The following CYP19A1 variants were observed in gnomAD, a reference collection of about 807,000 sequenced individuals.
CYP19A1 encodes the protein aromatase.
Under a neutral mutation model 44.4 loss-of-function variants are expected in CYP19A1, and 32 were observed. That is an observed-to-expected ratio of 0.72 (90% CI 0.54 to 0.97). The LOEUF is 0.97. CYP19A1 is among the 50% of genes least tolerant of loss of function. The probability of loss-of-function intolerance (pLI) is 0.00; values close to 1 mark genes in which losing one functional copy is unlikely to be tolerated. For missense variants in CYP19A1, 598 were observed against 637.8 expected (o/e 0.94, Z 0.67); for synonymous variants, 212 against 215.6 (o/e 0.98, Z 0.14).
intron 1 of CYP19A1, among the ~76,000 whole-genome samples, chr15:51,291,094 T>G (rs2035834485): frequency 6.6e-6 from 1 of 152,164 alleles, no homozygotes; most frequent in Non-Finnish European, 1.5e-5. Flanking sequence ...CATCCTAAGT[T>G]TGGCAGAAAA....
In CYP19A1 at chr15:51,210,454, G is replaced by A; in HGVS notation, c.*354C>T. ...GCCCCAGACATAAAAATCCCCTTGGGTTGAGGCAGTAGAGCTCTACTGGGG... is the reference window on the plus strand; with the variant it reads ...GCCCCAGACATAAAAATCCCCTTGGATTGAGGCAGTAGAGCTCTACTGGGG... On this transcript the variant is annotated 3_prime_UTR_variant, in exon 10 of 10. Transcript: ENST00000396402. 1 of 526,300 alleles carries A rather than the reference G, an allele frequency of 1.9e-6. No homozygotes were observed. Among genetic ancestry groups the A allele is most frequent in the Non-Finnish European group, 3.7e-6 (1 of 271,560 alleles). The allele number at this position is 526,300 out of a possible 1,614,324, so 32.6% of individuals were successfully genotyped here. A position where few individuals can be genotyped will look rare whatever the true frequency, so the allele number is the denominator to read the frequency against.
intron 3 of CYP19A1, among the ~76,000 whole-genome samples, chr15:51,229,243 T>C (rs185586040): frequency 3.3e-5 from 5 of 151,782 alleles, no homozygotes; most frequent in Non-Finnish European, 7.4e-5. Flanking sequence ...ATATATAATA[T>C]ATAAGGTGTG....
chr15:51,288,115 T>A (rs895701238), intron 1 of CYP19A1, among the ~76,000 whole-genome samples: 12 of 152,156 alleles, frequency 7.9e-5, no homozygotes, highest in African/African-American at 2.9e-4. Flanking sequence ...CATCTTCCTA[T>A]CCCTGGCCTG....
chr15:51,299,115 C>T (rs1355278832), intron 1 of CYP19A1, among the ~76,000 whole-genome samples: 2 of 152,214 alleles, frequency 1.3e-5, no homozygotes, highest in African/African-American at 2.4e-5. Flanking sequence ...CTTCCGAGGT[C>T]CTGTGTACTC....
At chr15:51,272,268 T>C (rs1427157532) in intron 1 of CYP19A1, among the ~76,000 whole-genome samples, 2 of 152,216 alleles carry the variant, frequency 1.3e-5, no homozygotes, top group Non-Finnish European at 2.9e-5. Context: ...ATCTCTTGTG[T>C]GCTATTAGAC....
At chr15:51,323,401 T>C (rs1045152772) in intron 1 of CYP19A1, among the ~76,000 whole-genome samples, 1 of 151,792 alleles carries the variant, frequency 6.6e-6, no homozygotes, top group African/African-American at 2.4e-5. Flanking sequence ...AAGTAAATAG[T>C]AGAACTTGTG....
At chr15:51,211,183 C>T in intron 9 of CYP19A1, 127 bp from the exon 10 acceptor site, 1 of 710,480 alleles carries the variant, frequency 1.4e-6, no homozygotes, top group South Asian at 1.5e-5. Flanking sequence ...CAATGCCCTC[C>T]ATCCCCTCAG....
Position 51,316,566 on chromosome 15 carries a change from C to A in CYP19A1, c.-39+21929G>T, listed in dbSNP as rs112841911. 3.0e-3 allele frequency among the ~76,000 whole-genome samples: 461 copies of A among 152,116 alleles called. 2 individuals carry two copies. The highest frequency in any genetic ancestry group is 0.011 in the African/African-American group (444 of 41,476). ...TTGTGAATATCTGTTCTCCCAGTCT[C>A]CCCTATCAATTTTATTAGAAATGGC... On this transcript the variant is annotated intron_variant, in intron 1 of 9. Coordinates refer to ENST00000396402, the MANE Select transcript of CYP19A1 (RefSeq NM_000103.4).
chr15:51,314,880 C>T (rs59429575), intron 1 of CYP19A1, among the ~76,000 whole-genome samples: 45,371 of 152,022 alleles, frequency 0.3, 7,304 homozygotes, highest in African/African-American at 0.42. Flanking sequence ...TTCCTACTTC[C>T]GACCCAGTCT....
At chr15:51,241,883 C>T (rs1242383689) in intron 2 of CYP19A1, among the ~76,000 whole-genome samples, 2 of 152,088 alleles carry the variant, frequency 1.3e-5, no homozygotes, top group Non-Finnish European at 2.9e-5. Context: ...ACTTCTGATC[C>T]CACTGAGACT....
At chr15:51,272,176 T>C (rs1033606338) in intron 1 of CYP19A1, among the ~76,000 whole-genome samples, 16 of 152,198 alleles carry the variant, frequency 1.1e-4, no homozygotes, top group African/African-American at 3.9e-4. Context: ...TCCCTTCAGT[T>C]TTAACCTCAG....
chr15:51,244,466 T>A (rs921500585), intron 1 of CYP19A1, among the ~76,000 whole-genome samples: 4 of 145,902 alleles, frequency 2.7e-5, no homozygotes, highest in African/African-American at 9.9e-5. Flanking sequence ...TTTGTGGTTG[T>A]TTTTTTTTTA....
chr15:51,243,117 C>A (rs2033876256), intron 1 of CYP19A1, 167 bp from the exon 2 acceptor site: 3 of 588,944 alleles, frequency 5.1e-6, no homozygotes, highest in Non-Finnish European at 9.2e-6. Flanking sequence ...AACAAGGAAG[C>A]CCAAGAAAGA....
chr15:51,321,288 A>T (rs948957829), intron 1 of CYP19A1, among the ~76,000 whole-genome samples: 4 of 151,760 alleles, frequency 2.6e-5, no homozygotes, highest in Non-Finnish European at 4.4e-5. Context: ...ACCCCTCCCC[A>T]TCCACCCACC....
chr15:51,265,472 C>T (rs1026904979), intron 1 of CYP19A1, among the ~76,000 whole-genome samples: 1 of 151,994 alleles, frequency 6.6e-6, no homozygotes, highest in Admixed American at 6.5e-5. Flanking sequence ...CTCCTCAGCC[C>T]GGAGGGAGGA....
chr15:51,234,355 G>A (rs1001334969), intron 3 of CYP19A1, among the ~76,000 whole-genome samples: 19 of 152,286 alleles, frequency 1.2e-4, no homozygotes, highest in Non-Finnish European at 2.5e-4. Flanking sequence ...TGGTAGTGTG[G>A]GTGGGTTGTG....
chr15:51,306,966 A>G (rs2036227343), intron 1 of CYP19A1, among the ~76,000 whole-genome samples: 1 of 151,062 alleles, frequency 6.6e-6, no homozygotes, highest in Admixed American at 6.6e-5. Context: ...ATTGATGATA[A>G]TAAGTAAACC....
At chr15:51,331,130 C>T (rs1029579880) in intron 1 of CYP19A1, among the ~76,000 whole-genome samples, 2 of 152,116 alleles carry the variant, frequency 1.3e-5, no homozygotes, top group Non-Finnish European at 2.9e-5. Flanking sequence ...AGGATGAGAG[C>T]AAGGCAGATG....
At chr15:51,319,079 C>G (rs929181113) in intron 1 of CYP19A1, 1 of 152,188 alleles carries the variant, frequency 6.6e-6, no homozygotes, top group Non-Finnish European at 1.5e-5. Context: ...CCTCAGTTGT[C>G]GTCAGCCCAC....
Sources: gnomAD v4.1 joint callset for allele counts (sites outside exome capture counted in the v4.1 genomes callset) on GRCh38, gnomAD v4.1.1 for gene constraint, MANE v1.5 for transcripts, NCBI Gene and HGNC (gene_info 2026-07-23, HGNC 2026-07-21) for gene names.